The following MAP2K5 variants were observed in gnomAD, a reference collection of about 807,000 sequenced individuals.
MAP2K5 encodes mitogen-activated protein kinase kinase 5, also known as dual specificity mitogen-activated protein kinase kinase 5.
In MAP2K5, 49 loss-of-function variants were observed where a neutral mutation model predicts 83.1. That is an observed-to-expected ratio of 0.59 (90% CI 0.47 to 0.75). The LOEUF (loss-of-function observed/expected upper bound fraction) is 0.75. Ranked by LOEUF, MAP2K5 falls within the 30% of genes least tolerant of loss-of-function variation. The pLI is 0.00. For missense variants in MAP2K5, 457 were observed against 557.5 expected (o/e 0.82, Z 1.82); for synonymous variants, 202 against 191.8 (o/e 1.05, Z -0.44).
intron 3 of MAP2K5, among the ~76,000 whole-genome samples, chr15:67,568,926 A>G (rs962645575): frequency 2.0e-5 from 3 of 150,718 alleles, no homozygotes; most frequent in Non-Finnish European, 4.4e-5. Flanking sequence ...GAATTGCTTG[A>G]ACCCGGGAGG....
At chr15:67,544,069 T>G (rs1415766573) in intron 1 of MAP2K5, among the ~76,000 whole-genome samples, 1 of 152,180 alleles carries the variant, frequency 6.6e-6, no homozygotes, top group Non-Finnish European at 1.5e-5. Flanking sequence ...ACCTGGATAA[T>G]TTTTGTATCT....
At chr15:67,603,684 A>G (rs2085715238) in intron 8 of MAP2K5, among the ~76,000 whole-genome samples, 1 of 152,198 alleles carries the variant, frequency 6.6e-6, no homozygotes, top group African/African-American at 2.4e-5. Flanking sequence ...TACAGTGCAA[A>G]GAAATGATAT....
intron 1 of MAP2K5, chr15:67,549,112 TG>T: frequency 6.5e-7 from 1 of 1,535,000 alleles, no homozygotes; most frequent in Non-Finnish European, 8.7e-7. Flanking sequence ...TGCTGCAGCC[TG>T]GGAGGGACAC....
At chr15:67,628,705 A>T in intron 8 of MAP2K5, 1 of 841,504 alleles carries the variant, frequency 1.2e-6, no homozygotes, top group African/African-American at 1.7e-5. Context: ...AAGTTAGGAA[A>T]GCCCTGTTAA....
chr15:67,564,682 G>A (rs1217533242), intron 3 of MAP2K5, among the ~76,000 whole-genome samples: 1 of 152,184 alleles, frequency 6.6e-6, no homozygotes, highest in African/African-American at 2.4e-5. Flanking sequence ...ACCTTGAAAG[G>A]CAGAGTAGGA....
In MAP2K5 at chr15:67,779,185, C is replaced by T. The variant is rs183678205; in HGVS notation, c.1242+6433C>T. Among the ~76,000 whole-genome samples, 7 of 152,250 alleles carry T rather than the reference C, an allele frequency of 4.6e-5. No homozygotes were observed. The highest frequency in any genetic ancestry group is 1.3e-4 in the Admixed American group (2 of 15,292). ...TCATCACAACAGCAAGGGGGCCCCA[C>T]GTAGGGTCCAGCTGACAACCATGGA... On this transcript the variant is annotated intron_variant, in intron 21 of 21. Coordinates refer to ENST00000178640, the MANE Select transcript of MAP2K5 (RefSeq NM_145160.3). The surrounding 1 kb of genome is among the most constrained non-coding windows in gnomAD (Gnocchi z 4.6).
intron 11 of MAP2K5, among the ~76,000 whole-genome samples, chr15:67,650,666 G>A (rs1017360290): frequency 1.3e-5 from 2 of 152,054 alleles, no homozygotes; most frequent in African/African-American, 4.8e-5. Flanking sequence ...CAGTCTTGCA[G>A]TGTTGGAATT....
intron 3 of MAP2K5, among the ~76,000 whole-genome samples, chr15:67,578,962 C>T (rs2085121901): frequency 6.6e-6 from 1 of 152,092 alleles, no homozygotes; most frequent in Middle Eastern, 3.2e-3. Context: ...TTTTATTTGT[C>T]TTTATTTCTA....
chr15:67,664,872 T>C (rs2141154397), intron 13 of MAP2K5, among the ~76,000 whole-genome samples: 1 of 152,318 alleles, frequency 6.6e-6, no homozygotes, highest in South Asian at 2.1e-4. Context: ...TTGTCAAACT[T>C]GTAAAAAGAT....
chr15:67,660,957 C>G (rs1319329901), intron 12 of MAP2K5, among the ~76,000 whole-genome samples: 1 of 151,816 alleles, frequency 6.6e-6, no homozygotes, highest in Non-Finnish European at 1.5e-5. Flanking sequence ...AATAGTGGAG[C>G]AACACAATTG....
intron 8 of MAP2K5, among the ~76,000 whole-genome samples, chr15:67,620,965 CA>C (rs947858733): frequency 6.6e-6 from 1 of 151,870 alleles, no homozygotes; most frequent in African/African-American, 2.4e-5. Context: ...TCAATAATTA[CA>C]AAAAATATAA....
Position 67,778,344 on chromosome 15 carries a change from G to A in MAP2K5, c.1242+5592G>A, listed in dbSNP as rs2090273171. On this transcript the variant is annotated intron_variant, in intron 21 of 21. Transcript: ENST00000178640. This position sits in a 1 kb window ranked among gnomAD's most constrained non-coding sequence, Gnocchi z 5.0. ...TCCCTTTAAAAATCAGGGTAACCAT[G>A]ATGTTAGATTTTTGTCTCTCCAACA... Among the ~76,000 whole-genome samples, 1 of 152,188 alleles carries A rather than the reference G, an allele frequency of 6.6e-6. No homozygotes were observed. Among genetic ancestry groups the A allele is most frequent in the Non-Finnish European group, 1.5e-5 (1 of 68,036 alleles).
rs1347665439 is a variant in MAP2K5 at position 67,748,395 on chromosome 15, A to G, written c.1101+138A>G. 10 of 836,518 alleles carry G rather than the reference A, an allele frequency of 1.2e-5. No homozygotes were observed. The highest frequency in any genetic ancestry group is 1.7e-5 in the African/African-American group (1 of 58,574). 51.8% of individuals were successfully genotyped at this position (836,518 alleles called of 1,614,324 possible). On this transcript the variant is annotated intron_variant, in intron 18 of 21. Transcript: ENST00000178640. This position sits in a 1 kb window ranked among gnomAD's most constrained non-coding sequence, Gnocchi z 4.0. ...GCAAACCTTTAACTGCCTGTATTAGATTAGGTACCATTAGAAATAATAGAA... is the reference window on the plus strand; with the variant it reads ...GCAAACCTTTAACTGCCTGTATTAGGTTAGGTACCATTAGAAATAATAGAA...
intron 17 of MAP2K5, among the ~76,000 whole-genome samples, chr15:67,743,096 T>C (rs1292084414): frequency 1.3e-5 from 2 of 152,256 alleles, no homozygotes; most frequent in Non-Finnish European, 2.9e-5. Flanking sequence ...TGTAGGCATC[T>C]TAAAGCCTTT....
intron 3 of MAP2K5, among the ~76,000 whole-genome samples, chr15:67,579,189 A>G (rs760488006): frequency 6.6e-6 from 1 of 152,214 alleles, no homozygotes; most frequent in Non-Finnish European, 1.5e-5. Context: ...CAAATTTCCC[A>G]TTAAAAAGAA....
intron 2 of MAP2K5, among the ~76,000 whole-genome samples, chr15:67,551,010 G>A (rs1252738087): frequency 6.6e-6 from 1 of 152,144 alleles, no homozygotes; most frequent in Non-Finnish European, 1.5e-5. Flanking sequence ...GACCTCAAGT[G>A]ATCCACCCAC....
At chr15:67,643,777 C>CT (rs143894244) in intron 9 of MAP2K5, among the ~76,000 whole-genome samples, 2 of 151,758 alleles carry the variant, frequency 1.3e-5, no homozygotes, top group African/African-American at 4.8e-5. Context: ...CCACCTATGC[C>CT]TTTTTTTTCC....
chr15:67,789,043 A>G (rs182437408), intron 21 of MAP2K5, among the ~76,000 whole-genome samples: 99 of 152,128 alleles, frequency 6.5e-4, no homozygotes, highest in Non-Finnish European at 1.3e-3. Context: ...CCAATCCTCC[A>G]TATCTTCCAG....
chr15:67,619,744 T>C (rs2141062992), intron 8 of MAP2K5, among the ~76,000 whole-genome samples: 1 of 147,316 alleles, frequency 6.8e-6, no homozygotes, highest in African/African-American at 2.5e-5. Context: ...CTGGGCAACA[T>C]AGTGAGAACC....
Sources: gnomAD v4.1 joint callset for allele counts (sites outside exome capture counted in the v4.1 genomes callset) on GRCh38, gnomAD v4.1.1 for gene constraint, Gnocchi (gnomAD v3.1) non-coding constraint, MANE v1.5 for transcripts, NCBI Gene and HGNC (gene_info 2026-07-23, HGNC 2026-07-21) for gene names.